The following CHMP5 variants were observed in gnomAD, a reference collection of about 807,000 sequenced individuals.
CHMP5 encodes SNF7 domain containing 2.
In CHMP5, 17 loss-of-function variants were observed where a neutral mutation model predicts 33.0. The ratio of observed to expected loss-of-function variants is 0.52; its 90% confidence interval spans 0.35 to 0.77. The LOEUF is 0.77. CHMP5 is among the 30% of genes least tolerant of loss of function. The pLI is 0.01. For synonymous variants in CHMP5, 76 were observed against 90.2 expected (o/e 0.84, Z 0.89); for missense variants, 216 against 261.5 (o/e 0.83, Z 1.20).
chr9:33,277,776 G>C (rs1820872907), intron 6 of CHMP5: 1 of 186,008 alleles, frequency 5.4e-6, no homozygotes, highest in Non-Finnish European at 1.2e-5. Flanking sequence ...TGATTCCCCT[G>C]TTACATTACT....
intron 2 of CHMP5, among the ~76,000 whole-genome samples, chr9:33,267,559 A>T (rs1820741734): frequency 6.6e-6 from 1 of 152,196 alleles, no homozygotes; most frequent in Non-Finnish European, 1.5e-5. Context: ...AGGCAACTGG[A>T]TATACAGACT....
At position 33,271,223 on chromosome 9, in the gene CHMP5, G is replaced by A. The variant is rs1257447003; in HGVS notation, c.387G>A (p.Glu129=). ...AYKQVKIDQI[E]DLQDQLEDMM... is the part of the protein sequence containing the mutation. ...AGCAAGTGAAGATCGACCAGATTGA[G>A]GTGAGACATATGCTAGTTTCTGCAA... Residue 129 remains glutamate (E), a splice_region_variant and synonymous_variant, in exon 5 of 8, where the codon GAG becomes GAA. Transcript: ENST00000223500. 1.2e-6 allele frequency: 2 copies of A among 1,612,186 alleles called. No individual in the cohort carries two copies. Among genetic ancestry groups the A allele is most frequent in the Non-Finnish European group, 1.7e-6 (2 of 1,178,230 alleles).
chr9:33,265,393 A>G (rs1161662358), intron 1 of CHMP5, among the ~76,000 whole-genome samples: 1 of 151,838 alleles, frequency 6.6e-6, no homozygotes, highest in Non-Finnish European at 1.5e-5. Flanking sequence ...TTTGATGCCC[A>G]TTGCCCGTCC....
intron 2 of CHMP5, among the ~76,000 whole-genome samples, chr9:33,267,029 A>G (rs553963480): frequency 6.6e-6 from 1 of 152,354 alleles, no homozygotes; most frequent in African/African-American, 2.4e-5. Flanking sequence ...TGTAAAACAG[A>G]GATAATACCC....
intron 3 of CHMP5, among the ~76,000 whole-genome samples, chr9:33,269,750 G>A (rs765913825): frequency 3.3e-5 from 5 of 152,110 alleles, no homozygotes; most frequent in Non-Finnish European, 5.9e-5. Flanking sequence ...CGAGGTGGGC[G>A]GATCATCTGA....
At chr9:33,272,683 A>ATT (rs1314195587) in intron 5 of CHMP5, among the ~76,000 whole-genome samples, 2 of 152,120 alleles carry the variant, frequency 1.3e-5, no homozygotes, top group African/African-American at 4.8e-5. Context: ...GTGTGCCTGT[A>ATT]GTCCCAGCTG....
intron 6 of CHMP5, chr9:33,277,889 C>T: frequency 5.0e-6 from 2 of 397,110 alleles, no homozygotes; most frequent in Non-Finnish European, 9.1e-6. Flanking sequence ...TCAATTGCCC[C>T]TGATAAGTCT....
intron 6 of CHMP5, among the ~76,000 whole-genome samples, chr9:33,277,191 A>C (rs931116208): frequency 9.9e-6 from 1 of 101,522 alleles, no homozygotes; most frequent in Non-Finnish European, 1.8e-5. Context: ...ACCTTCTCTC[A>C]AAAAAAAAAA....
chr9:33,277,335 A>G (rs1207085144), intron 6 of CHMP5, among the ~76,000 whole-genome samples: 1 of 152,194 alleles, frequency 6.6e-6, no homozygotes, highest in African/African-American at 2.4e-5. Context: ...TAGCAGTGGA[A>G]GACATAAATG....
At chr9:33,270,561 C>CT in intron 3 of CHMP5, 62 bp from the exon 4 acceptor site, 1 of 1,285,770 alleles carries the variant, frequency 7.8e-7, no homozygotes, top group Non-Finnish European at 1.1e-6. Flanking sequence ...TGTGGGGATA[C>CT]TTTGTTCTTG....
intron 6 of CHMP5, among the ~76,000 whole-genome samples, chr9:33,276,970 G>A (rs995379951): frequency 3.9e-5 from 6 of 151,990 alleles, no homozygotes; most frequent in South Asian, 2.1e-4. Context: ...CAAGGTAGGC[G>A]GATCCACTCA....
At chr9:33,272,160 G>C (rs1304084106) in intron 5 of CHMP5, among the ~76,000 whole-genome samples, 1 of 152,168 alleles carries the variant, frequency 6.6e-6, no homozygotes, top group African/African-American at 2.4e-5. Context: ...GTGGCAAGAA[G>C]AGATAGCAGA....
At chr9:33,271,631 T>C (rs1401174757) in intron 5 of CHMP5, among the ~76,000 whole-genome samples, 2 of 152,230 alleles carry the variant, frequency 1.3e-5, no homozygotes, top group Non-Finnish European at 1.5e-5. Flanking sequence ...TGTAGGCTAA[T>C]GTAAGTGTTC....
At chr9:33,270,766 T>A in intron 4 of CHMP5, 50 bp downstream of exon 4, 1 of 1,426,664 alleles carries the variant, frequency 7.0e-7, no homozygotes, top group Non-Finnish European at 9.9e-7. Flanking sequence ...ATTCTTATTC[T>A]CTTTTCCGAT....
intron 7 of CHMP5, among the ~76,000 whole-genome samples, chr9:33,279,640 G>A (rs1820898133): frequency 6.6e-6 from 1 of 151,956 alleles, no homozygotes; most frequent in South Asian, 2.1e-4. Flanking sequence ...GGGGCAGGCG[G>A]ATCACGAGGT....
intron 7 of CHMP5, 59 bp from the exon 8 acceptor site, chr9:33,280,749 TC>T (rs1425752976): frequency 7.0e-6 from 10 of 1,436,006 alleles, no homozygotes; most frequent in Non-Finnish European, 9.6e-6. Flanking sequence ...ATGTTTGTAA[TC>T]CTTTTTTTTT....
rs1309111075 is a variant in CHMP5 at position 33,281,952 on chromosome 9, C to T, written c.*1093C>T. 6.6e-6 allele frequency: 1 copy of T among 152,206 alleles called. No homozygotes were observed. Among genetic ancestry groups the T allele is most frequent in the Non-Finnish European group, 1.5e-5 (1 of 68,056 alleles). The allele number at this position is 152,206 out of a possible 1,614,324, so 9.4% of individuals were successfully genotyped here. A position where few individuals can be genotyped will look rare whatever the true frequency, so the allele number is the denominator to read the frequency against. On this transcript the variant is annotated 3_prime_UTR_variant, in exon 8 of 8. Transcript: ENST00000223500. ...TCTTTAATGATCCTGTCCTCCCTTC[C>T]TCATTCAACTTGTTGCCAACAGCAT...
chr9:33,275,904 G>T (rs1388723816), intron 5 of CHMP5, among the ~76,000 whole-genome samples: 1 of 152,178 alleles, frequency 6.6e-6, no homozygotes, highest in East Asian at 1.9e-4. Flanking sequence ...CAGCTATTTG[G>T]AGGCTGAGGC....
chr9:33,273,586 G>A (rs1820819959), intron 5 of CHMP5, among the ~76,000 whole-genome samples: 2 of 152,166 alleles, frequency 1.3e-5, no homozygotes, highest in Non-Finnish European at 1.5e-5. Context: ...TTCCTAAAAT[G>A]CTTTACTTAG....
Sources: gnomAD v4.1 joint callset for allele counts (sites outside exome capture counted in the v4.1 genomes callset) on GRCh38, gnomAD v4.1.1 for gene constraint, MANE v1.5 for transcripts, NCBI Gene and HGNC (gene_info 2026-07-23, HGNC 2026-07-21) for gene names.